ARAP3: variants seen among roughly 807,000 people sequenced by gnomAD.
The protein encoded by ARAP3 is ArfGAP with RhoGAP domain, ankyrin repeat and PH domain 3, also known as arf-GAP with Rho-GAP domain, ANK repeat and PH domain-containing protein 3.
Under a neutral mutation model 169.2 loss-of-function variants are expected in ARAP3, and 82 were observed. The ratio of observed to expected loss-of-function variants is 0.48; its 90% CI spans 0.41 to 0.58. The LOEUF is 0.58. Ranked by LOEUF, ARAP3 falls within the 20% of genes least tolerant of loss-of-function variation. The pLI, the probability that ARAP3 is intolerant of heterozygous loss-of-function variation, is 0.00. For synonymous variants in ARAP3, 791 were observed against 800.3 expected, an observed-to-expected ratio of 0.99 and a Z score of 0.20; for missense variants, 1,764 against 2,018.0, an observed-to-expected ratio of 0.87 and a Z score of 2.41.
intron 16 of ARAP3, among the ~76,000 whole-genome samples, chr5:141,667,189 C>T (rs1441063954): frequency 6.6e-6 from 1 of 151,998 alleles, no homozygotes; most frequent in Non-Finnish European, 1.5e-5. Flanking sequence ...GCCACTGCGC[C>T]CAGCCAAAAA....
At position 141,671,738 on chromosome 5, in the gene ARAP3, C is replaced by G. The variant is rs2099911479; in HGVS notation, c.1686G>C (p.Leu562=). 6.2e-7 allele frequency: 1 copy of G among 1,601,312 alleles called. No homozygotes were observed. The highest frequency in any genetic ancestry group is 1.3e-5 in the African/African-American group (1 of 74,816). ...SNEIVQLFIV[L]GNDRANRFWA... is the part of the protein sequence containing the mutation. The stretch of plus-strand genomic sequence containing the variant: ...AGAAGCGGTTGGCACGATCATTTCC[C>G]AGGACAATGAATAACTGTGGGATGA... Residue 562 remains leucine (L), a synonymous_variant, in exon 12 of 33, where the codon CTG becomes CTC. Transcript: ENST00000239440. The surrounding 1 kb of genome is among the most constrained non-coding windows in gnomAD (Gnocchi z 4.9).
chr5:141,654,888 C>T (rs2099909005), intron 32 of ARAP3, among the ~76,000 whole-genome samples: 1 of 151,888 alleles, frequency 6.6e-6, no homozygotes. Context: ...CACAGGCATG[C>T]ACCACCACAC....
Position 141,672,019 on chromosome 5 carries a change from G to A in ARAP3, c.1586-39C>T, listed in dbSNP as rs2099911519. 8 of 1,612,250 alleles carry A rather than the reference G, an allele frequency of 5.0e-6. No individual in the cohort carries two copies. In the East Asian group the frequency reaches 1.1e-4, roughly 22 times the overall value. On this transcript the variant is annotated intron_variant, in intron 10 of 32. Coordinates refer to ENST00000239440, the MANE Select transcript of ARAP3 (RefSeq NM_022481.6). This position sits in a 1 kb window ranked among gnomAD's most constrained non-coding sequence, Gnocchi z 4.9. The stretch of plus-strand genomic sequence containing the variant: ...AGGGTGTGTGAGGGTGTGTGAGGGT[G>A]TGAGGGGCATGTGGCACGGGTACCC...
intron 17 of ARAP3, among the ~76,000 whole-genome samples, chr5:141,665,596 G>A (rs1200237980): frequency 6.6e-6 from 1 of 152,128 alleles, no homozygotes; most frequent in African/African-American, 2.4e-5. Flanking sequence ...AAAATGGCAA[G>A]GCTGAGCACA....
chr5:141,671,995 G>A lies in ARAP3; in HGVS notation c.1586-15C>T, dbSNP rs1303191703. The A allele has an allele frequency of 6.3e-7, 1 of 1,585,668 alleles. No homozygotes were observed. The highest frequency in any genetic ancestry group is 1.7e-5 in the Admixed American group (1 of 59,734). On this transcript the variant is annotated splice_polypyrimidine_tract_variant and intron_variant, in intron 10 of 32. Coordinates refer to ENST00000239440, the MANE Select transcript of ARAP3 (RefSeq NM_022481.6). The surrounding 1 kb of genome is among the most constrained non-coding windows in gnomAD (Gnocchi z 4.9). ...CCGGTGCTGACCTGTGAGGGTGTGA[G>A]GGTGTGTGAGGGTGTGTGAGGGTGT...
chr5:141,664,666 CATT>C (rs1044172496), intron 19 of ARAP3, among the ~76,000 whole-genome samples: 35 of 152,174 alleles, frequency 2.3e-4, no homozygotes, highest in African/African-American at 7.5e-4. Flanking sequence ...GCTTGACAGG[CATT>C]GTCTCACTGT....
chr5:141,668,245 T>C (rs1021254156), intron 16 of ARAP3, among the ~76,000 whole-genome samples: 2 of 151,948 alleles, frequency 1.3e-5, no homozygotes, highest in Non-Finnish European at 2.9e-5. Flanking sequence ...TAGCTGGGAC[T>C]ATAGGTGAGC....
rs1198763397 is a variant in ARAP3 at position 141,670,551 on chromosome 5, T to C, written c.2068A>G (p.Asn690Asp). The C allele has an allele frequency of 3.1e-6, 5 of 1,614,070 alleles. No homozygotes were observed. In the South Asian group the frequency reaches 5.5e-5, roughly 18 times the overall value. ...SGFLYCSPVS[N>D]KAGPSPPRRG... ...CGAGGGGGTGAGGGTCCAGCTTTGTTGCTGACGGGACTGCAGTACAGGAAG... is the reference window on the plus strand; with the variant it reads ...CGAGGGGGTGAGGGTCCAGCTTTGTCGCTGACGGGACTGCAGTACAGGAAG... The change falls in exon 14 of 33, where the codon AAC (asparagine) becomes GAC (aspartate). Residue 690 changes from asparagine (N) to aspartate (D), a missense_variant. Physicochemically the swap from Asn to Asp is conservative, Grantham distance 23. This residue lies in a region of ARAP3 where 1,112 missense variants were observed against 1,285.7 expected (regional missense o/e 0.86). Coordinates refer to ENST00000239440, the MANE Select transcript of ARAP3 (RefSeq NM_022481.6).
chr5:141,679,170 T>A (rs751779353), intron 4 of ARAP3, among the ~76,000 whole-genome samples: 4 of 152,088 alleles, frequency 2.6e-5, no homozygotes, highest in Non-Finnish European at 5.9e-5. Flanking sequence ...GCACCTGTAA[T>A]CCCAGCTACT....
intron 27 of ARAP3, 113 bp from the exon 28 acceptor site, chr5:141,656,389 G>T: frequency 6.3e-7 from 1 of 1,590,006 alleles, no homozygotes; most frequent in Non-Finnish European, 8.6e-7. Flanking sequence ...GAAGTCGGGG[G>T]CAGGGAAGCA....
chr5:141,672,284 C>G lies in ARAP3; in HGVS notation c.1403G>C (p.Gly468Ala), dbSNP rs1217204741. ...GGCCGCCCAGCTCTGCCGAGCACCC[C>G]CAGACTCGGCTGTGAAGCTGAGGGG... ...HRCFSFTAES[G>A]GARQSWAAAL... Residue 468 changes from glycine (G) to alanine (A), a missense_variant, in exon 10 of 33, where the codon GGG becomes GCG. Gly to Ala is a moderately conservative substitution (Grantham distance 60). Coordinates refer to ENST00000239440, the MANE Select transcript of ARAP3 (RefSeq NM_022481.6). The surrounding 1 kb of genome is among the most constrained non-coding windows in gnomAD (Gnocchi z 4.9). The G allele has an allele frequency of 1.2e-6, 2 of 1,614,172 alleles. No homozygotes were observed. Among genetic ancestry groups the G allele is most frequent in the African/African-American group, 1.3e-5 (1 of 75,072 alleles).
chr5:141,671,092 G>A lies in ARAP3; in HGVS notation c.1990+173C>T, dbSNP rs1180482233. 1.3e-5 allele frequency among the ~76,000 whole-genome samples: 2 copies of A among 152,210 alleles called. No individual in the cohort carries two copies. The highest frequency in any genetic ancestry group is 4.8e-5 in the African/African-American group (2 of 41,442). On this transcript the variant is annotated intron_variant, in intron 13 of 32. Transcript: ENST00000239440. The surrounding 1 kb of genome is among the most constrained non-coding windows in gnomAD (Gnocchi z 4.9). ...ACCCAGACCCTCCCCAGCCATGACC[G>A]TCATCAGCTATCACATGACATCAGG...
Position 141,662,265 on chromosome 5 carries a change from G to T in ARAP3, c.2801-10C>A. 3.1e-6 allele frequency: 5 copies of T among 1,613,508 alleles called. No individual in the cohort carries two copies. Among genetic ancestry groups the T allele is most frequent in the Non-Finnish European group, 4.2e-6 (5 of 1,179,836 alleles). The stretch of plus-strand genomic sequence containing the variant: ...CCTTCCAGCCGGAGCCCTGAGGAGA[G>T]CCAGCCGTCTCTGCTCACCATGGTG... On this transcript the variant is annotated splice_polypyrimidine_tract_variant and intron_variant, in intron 19 of 32. Coordinates refer to ENST00000239440, the MANE Select transcript of ARAP3 (RefSeq NM_022481.6).
chr5:141,668,761 C>T (rs571616351), intron 16 of ARAP3, among the ~76,000 whole-genome samples: 1 of 152,274 alleles, frequency 6.6e-6, no homozygotes, highest in South Asian at 2.1e-4. Flanking sequence ...GTGCCGGATG[C>T]TGCAGAGATG....
rs2099909145 is a variant in ARAP3, at chr5:141,655,389, G to A, written c.4122C>T (p.His1374=). The A allele has an allele frequency of 5.0e-6, 8 of 1,586,086 alleles. No homozygotes were observed. Among genetic ancestry groups the A allele is most frequent in the Middle Eastern group, 1.7e-4 (1 of 6,040 alleles). ...LSANQTLRRL[H]NRRTLSMFFP... ...AGAACATGGACAGGGTCCTCCGGTT[G>A]TGTAGTCGCCGCTGGACACAGGTGG... Residue 1374 remains histidine, a synonymous_variant, in exon 32 of 33, where the codon CAC becomes CAT. Coordinates refer to ENST00000239440, the MANE Select transcript of ARAP3 (RefSeq NM_022481.6).
intron 21 of ARAP3, among the ~76,000 whole-genome samples, chr5:141,661,472 C>A (rs2099909964): frequency 6.6e-6 from 1 of 152,180 alleles, no homozygotes; most frequent in Non-Finnish European, 1.5e-5. Context: ...AAGTAACTTA[C>A]CCAAAGTCAC....
intron 6 of ARAP3, 51 bp from the exon 7 acceptor site, chr5:141,673,184 T>A (rs770450664): frequency 1.2e-5 from 19 of 1,611,162 alleles, no homozygotes; most frequent in Non-Finnish European, 1.6e-5. Flanking sequence ...GAGCCATGTG[T>A]GCCAGCCCCT....
In ARAP3 at chr5:141,658,595, T is replaced by C. The variant is rs749857920; in HGVS notation, c.3395A>G (p.Asn1132Ser). ...EVYIEQQLPD[N>S]CVTLKVSPTL... is the part of the protein sequence containing the mutation. ...AGGACCAACCTTCAGGGTGACACAG[T>C]TGTCTGGGAGCTGCTGCTCTATATA... is the stretch of plus-strand genomic sequence containing the variant. The change falls in exon 24 of 33, where the codon AAC becomes AGC. Residue 1132 changes from asparagine to serine, a missense_variant. Asn to Ser is a conservative substitution (Grantham distance 46, BLOSUM62 1). This residue lies in a region of ARAP3 where 1,112 missense variants were observed against 1,285.7 expected (regional missense o/e 0.86). Coordinates refer to ENST00000239440, the MANE Select transcript of ARAP3 (RefSeq NM_022481.6). The C allele has an allele frequency of 4.0e-5, 65 of 1,613,112 alleles. 3 individuals are homozygous for C. In the South Asian group the frequency reaches 6.9e-4, roughly 17 times the overall value.
chr5:141,659,841 G>A lies in ARAP3; in HGVS notation c.3205C>T (p.Arg1069Ter), dbSNP rs768608851. 1.9e-6 allele frequency: 3 copies of A among 1,608,670 alleles called. No homozygotes were observed. Among genetic ancestry groups the A allele is most frequent in the African/African-American group, 1.3e-5 (1 of 74,890 alleles). ...FAPSVFQTDG[R>*]GEHEVRVLQE... ...AGCACTCGCACCTCGTGCTCCCCTC[G>A]CCCATCCGTCTGGAACACGCTGGGT... Residue 1069 changes from arginine to a stop codon, truncating the protein, a stop_gained, in exon 22 of 33, where the codon CGA becomes TGA. Transcript: ENST00000239440. LOFTEE classifies it high-confidence loss of function.
Sources: gnomAD v4.1 joint callset for allele counts (sites outside exome capture counted in the v4.1 genomes callset) on GRCh38, gnomAD v4.1.1 for gene constraint, gnomAD v4.1.1 regional missense constraint, Gnocchi (gnomAD v3.1) non-coding constraint, MANE v1.5 for transcripts, NCBI Gene and HGNC (gene_info 2026-07-23, HGNC 2026-07-21) for gene names.